GSK3B: variants seen among roughly 807,000 people sequenced by gnomAD.
The protein encoded by GSK3B is glycogen synthase kinase 3 beta.
GSK3B carries 15 observed loss-of-function variants against 56.4 expected under a neutral mutation model. The ratio of observed to expected loss-of-function variants is 0.27; its 90% CI spans 0.18 to 0.41. The LOEUF is 0.41. Ranked by LOEUF, GSK3B falls within the 10% of genes least tolerant of loss-of-function variation. The pLI, the probability that GSK3B is intolerant of heterozygous loss-of-function variation, is 1.00. For missense variants in GSK3B, 300 were observed against 513.4 expected, an observed-to-expected ratio of 0.58 and a Z score of 4.02; for synonymous variants, 181 against 188.9, an observed-to-expected ratio of 0.96 and a Z score of 0.34.
At chr3:119,847,989 G>C (rs1372016392) in intron 9 of GSK3B, among the ~76,000 whole-genome samples, 1 of 152,176 alleles carries the variant, frequency 6.6e-6, no homozygotes, top group Non-Finnish European at 1.5e-5. Context: ...TCTGTTTAAA[G>C]TGTCACTGCT....
rs1254971579 is a variant in GSK3B, at chr3:119,847,383, G to A, written c.1097-4030C>T. On this transcript the variant is annotated intron_variant, in intron 9 of 10. Coordinates refer to ENST00000264235, the MANE Select transcript of GSK3B (RefSeq NM_001146156.2). ...TGATCCCAGGTACTTGGGAGGCTGA[G>A]GCAGGAGAATTGCTTGAACCCGCAA... Among the ~76,000 whole-genome samples, 3 of 152,182 alleles carry A rather than the reference G, an allele frequency of 2.0e-5. No homozygotes were observed. The East Asian group carries it at 5.8e-4, about 29-fold the overall frequency.
At chr3:120,002,313 A>C in intron 1 of GSK3B, 74 bp from the exon 2 acceptor site, 1 of 698,564 alleles carries the variant, frequency 1.4e-6, no homozygotes, top group Non-Finnish European at 2.3e-6. Context: ...CAAAATATAC[A>C]AGGTAAACTA....
At chr3:120,081,484 T>C (rs895284648) in intron 1 of GSK3B, among the ~76,000 whole-genome samples, 25 of 151,978 alleles carry the variant, frequency 1.6e-4, no homozygotes, top group African/African-American at 6.0e-4. Context: ...GAGGTGGAGG[T>C]TGCAGTGAGC....
chr3:119,879,834 T>C (rs2056359538), intron 7 of GSK3B, among the ~76,000 whole-genome samples: 1 of 152,200 alleles, frequency 6.6e-6, no homozygotes, highest in Non-Finnish European at 1.5e-5. Flanking sequence ...AGTATATATA[T>C]CACATTTTCT....
chr3:120,011,535 G>A (rs967302540), intron 1 of GSK3B, among the ~76,000 whole-genome samples: 1 of 152,182 alleles, frequency 6.6e-6, no homozygotes, highest in Non-Finnish European at 1.5e-5. Flanking sequence ...AGACTCTTAA[G>A]GCCTCTTAAT....
chr3:119,982,297 C>A (rs1235482643), intron 2 of GSK3B, among the ~76,000 whole-genome samples: 1 of 152,146 alleles, frequency 6.6e-6, no homozygotes, highest in African/African-American at 2.4e-5. Flanking sequence ...AATCAGAGCA[C>A]CTCTTCACCT....
chr3:119,825,588 T>G lies in GSK3B; in HGVS notation c.*1200A>C, dbSNP rs2055490710. ...TAAGTGACTGTATCATTCTGATGTG[T>G]AGTTTTTAATATTTCTACCATCTGA... On this transcript the variant is annotated 3_prime_UTR_variant, in exon 11 of 11. Coordinates refer to ENST00000264235, the MANE Select transcript of GSK3B (RefSeq NM_001146156.2). 1 of 228,490 alleles carries G rather than the reference T, an allele frequency of 4.4e-6. No homozygotes were observed. The highest frequency in any genetic ancestry group is 2.2e-5 in the African/African-American group (1 of 45,108). The allele number at this position is 228,490 out of a possible 1,614,324, so 14.2% of individuals were successfully genotyped here.
intron 9 of GSK3B, among the ~76,000 whole-genome samples, chr3:119,853,877 T>C (rs898718917): frequency 1.3e-5 from 2 of 151,366 alleles, no homozygotes; most frequent in African/African-American, 4.9e-5. Context: ...CAGGGACATT[T>C]TGACCCCCTG....
intron 8 of GSK3B, among the ~76,000 whole-genome samples, chr3:119,868,778 A>AAT (rs2056214348): frequency 6.6e-6 from 1 of 152,202 alleles, no homozygotes; most frequent in Non-Finnish European, 1.5e-5. Flanking sequence ...TCATATACAA[A>AAT]ATATAAGCAT....
At chr3:119,996,610 T>TA (rs1217526275) in intron 2 of GSK3B, among the ~76,000 whole-genome samples, 10 of 151,588 alleles carry the variant, frequency 6.6e-5, no homozygotes, top group Non-Finnish European at 1.5e-4. Context: ...TTTTTTTTAA[T>TA]AAAAAAAGAA....
At chr3:119,937,381 A>G (rs2057006157) in intron 3 of GSK3B, among the ~76,000 whole-genome samples, 1 of 152,042 alleles carries the variant, frequency 6.6e-6, no homozygotes, top group South Asian at 2.1e-4. Context: ...CCTCTCTGCT[A>G]TCTGGCCACG....
chr3:119,971,087 G>C (rs1286712690), intron 2 of GSK3B, among the ~76,000 whole-genome samples: 3 of 152,126 alleles, frequency 2.0e-5, no homozygotes, highest in Non-Finnish European at 4.4e-5. Flanking sequence ...ACTTCTCAAA[G>C]TTTAATCATT....
chr3:120,050,071 AAAG>A (rs2107541120), intron 1 of GSK3B, among the ~76,000 whole-genome samples: 1 of 152,314 alleles, frequency 6.6e-6, no homozygotes, highest in East Asian at 1.9e-4. Context: ...ACAAAATGAC[AAAG>A]AAGCTCAAAG....
intron 7 of GSK3B, 88 bp from the exon 8 acceptor site, chr3:119,876,596 A>C: frequency 1.3e-6 from 1 of 741,496 alleles, no homozygotes; most frequent in East Asian, 2.5e-5. Flanking sequence ...CACTGAAAAA[A>C]GGAATTCCCA....
intron 1 of GSK3B, among the ~76,000 whole-genome samples, chr3:120,091,528 T>C (rs2058512220): frequency 6.6e-6 from 1 of 152,206 alleles, no homozygotes; most frequent in South Asian, 2.1e-4. Context: ...TGTAGCATTA[T>C]AATCTAGCAT....
chr3:119,959,648 G>C (rs958624633), intron 2 of GSK3B, among the ~76,000 whole-genome samples: 2 of 151,596 alleles, frequency 1.3e-5, no homozygotes, highest in African/African-American at 4.8e-5. Context: ...CTGAGTAGCT[G>C]GGATTACACG....
At chr3:119,877,379 A>G (rs1277367960) in intron 7 of GSK3B, among the ~76,000 whole-genome samples, 1 of 152,186 alleles carries the variant, frequency 6.6e-6, no homozygotes, top group Non-Finnish European at 1.5e-5. Context: ...ACATCCTCCT[A>G]TACTTTAAAT....
chr3:120,080,351 A>G (rs902612297), intron 1 of GSK3B, among the ~76,000 whole-genome samples: 1 of 151,884 alleles, frequency 6.6e-6, no homozygotes, highest in African/African-American at 2.4e-5. Context: ...AAGAAGGTAG[A>G]AGGAAGAAGG....
intron 1 of GSK3B, among the ~76,000 whole-genome samples, chr3:120,022,716 A>G (rs925120958): frequency 2.0e-5 from 3 of 152,238 alleles, no homozygotes; most frequent in African/African-American, 7.2e-5. Context: ...AAAGCAGTCC[A>G]CTTAGCATTT....
Sources: allele counts gnomAD v4.1 joint callset (sites outside exome capture counted in the v4.1 genomes callset), GRCh38; gene constraint gnomAD v4.1.1; transcripts MANE v1.5; gene names NCBI Gene and HGNC (gene_info 2026-07-23, HGNC 2026-07-21).